PPP2R2B: variants seen among roughly 807,000 people sequenced by gnomAD.
The protein encoded by PPP2R2B is serine/threonine-protein phosphatase 2A 55 kDa regulatory subunit B beta isoform.
PPP2R2B carries 5 observed loss-of-function variants against 46.0 expected under a neutral mutation model. That is an observed-to-expected ratio of 0.11 (90% CI 0.06 to 0.23). The LOEUF (loss-of-function observed/expected upper bound fraction) is 0.23, where lower values mean the gene tolerates loss of function less well. PPP2R2B is among the 10% of genes least tolerant of loss of function. The pLI is 1.00. For synonymous variants in PPP2R2B, 215 were observed against 206.7 expected (o/e 1.04, Z -0.34); for missense variants, 367 against 575.0 (o/e 0.64, Z 3.70).
chr5:146,618,380 A>G (rs2151049929), intron 7 of PPP2R2B, among the ~76,000 whole-genome samples: 1 of 152,308 alleles, frequency 6.6e-6, no homozygotes, highest in South Asian at 2.1e-4. Context: ...AGCCCTGCTG[A>G]CACCTTGACT....
At chr5:146,638,105 T>C (rs1561793346) in intron 7 of PPP2R2B, 146 bp downstream of exon 7, 2 of 679,340 alleles carry the variant, frequency 2.9e-6, no homozygotes, top group East Asian at 3.0e-5. Flanking sequence ...TTTACTGAAA[T>C]ATAAAATACG....
chr5:146,785,359 CA>C (rs1276153354), intron 2 of PPP2R2B, among the ~76,000 whole-genome samples: 1 of 152,102 alleles, frequency 6.6e-6, no homozygotes, highest in Non-Finnish European at 1.5e-5. Context: ...CCAGCTTGGG[CA>C]ACATAGTGAA....
chr5:146,708,421 G>A (rs953967491), intron 2 of PPP2R2B, among the ~76,000 whole-genome samples: 7 of 151,422 alleles, frequency 4.6e-5, no homozygotes, highest in Non-Finnish European at 1.0e-4. Context: ...GTGTGTGTGT[G>A]TGTGTGTGTG....
intron 2 of PPP2R2B, among the ~76,000 whole-genome samples, chr5:146,827,693 G>A (rs946341815): frequency 6.6e-6 from 1 of 152,152 alleles, no homozygotes; most frequent in Non-Finnish European, 1.5e-5. Context: ...TATATAATAA[G>A]TATTGATAAA....
At chr5:147,053,437 T>G (rs72827259) in intron 1 of PPP2R2B, among the ~76,000 whole-genome samples, 4 of 152,216 alleles carry the variant, frequency 2.6e-5, no homozygotes, top group Non-Finnish European at 4.4e-5. Context: ...CACAGAGATA[T>G]TCACACACTA....
chr5:146,765,487 C>A (rs981279072), intron 2 of PPP2R2B, among the ~76,000 whole-genome samples: 3 of 152,210 alleles, frequency 2.0e-5, no homozygotes, highest in African/African-American at 7.2e-5. Context: ...GCAACATAAA[C>A]CACATATTAT....
At position 146,966,938 on chromosome 5, in the gene PPP2R2B, A is replaced by G. The variant is rs113994699; in HGVS notation, c.79+88727T>C. Reference sequence around the variant, plus strand: ...TCTAGGGCTTAGAATTGATCTTTCAATTTCAACAAGCATGGTTCCCCTTTG... The same window carrying G: ...TCTAGGGCTTAGAATTGATCTTTCAGTTTCAACAAGCATGGTTCCCCTTTG... On this transcript the variant is annotated intron_variant, in intron 1 of 8. Transcript: ENST00000336640. Among the ~76,000 whole-genome samples, 1,140 of 152,242 alleles carry G rather than the reference A, an allele frequency of 7.5e-3. 12 individuals are homozygous for G. The highest frequency in any genetic ancestry group is 0.026 in the African/African-American group (1,083 of 41,536).
At chr5:146,699,830 A>G (rs1362873739) in intron 3 of PPP2R2B, among the ~76,000 whole-genome samples, 1 of 152,084 alleles carries the variant, frequency 6.6e-6, no homozygotes, top group Non-Finnish European at 1.5e-5. Flanking sequence ...CTACCATCCA[A>G]ATCAGACTGT....
intron 2 of PPP2R2B, among the ~76,000 whole-genome samples, chr5:146,817,516 C>T (rs1053416847): frequency 2.6e-5 from 4 of 151,972 alleles, no homozygotes; most frequent in Non-Finnish European, 4.4e-5. Flanking sequence ...TTGATATTTC[C>T]GTCATCTCAC....
chr5:146,682,407 ATAT>A (rs1300523179), intron 5 of PPP2R2B, among the ~76,000 whole-genome samples: 1 of 152,234 alleles, frequency 6.6e-6, no homozygotes, highest in Non-Finnish European at 1.5e-5. Flanking sequence ...TGATGGCAAG[ATAT>A]TATGCTAAAC....
chr5:146,880,073 A>C (rs1266082524), upstream of PPP2R2B, among the ~76,000 whole-genome samples: 1 of 152,216 alleles, frequency 6.6e-6, no homozygotes, highest in Non-Finnish European at 1.5e-5. Flanking sequence ...ATTTCCATGC[A>C]GTATGGATAC....
At chr5:146,743,000 C>A (rs1752968880) in intron 2 of PPP2R2B, among the ~76,000 whole-genome samples, 1 of 152,186 alleles carries the variant, frequency 6.6e-6, no homozygotes, top group Non-Finnish European at 1.5e-5. Flanking sequence ...AAGGAAGTAA[C>A]TTTGCCAACA....
rs868404012 is a variant in PPP2R2B, at chr5:147,051,749, C to T, written c.79+3916G>A. Among the ~76,000 whole-genome samples the T allele has an allele frequency of 1.4e-3, 190 of 132,500 alleles. 8 individuals are homozygous for T. The South Asian group carries it at 0.046, about 32-fold the overall frequency. The allele number at this position is 132,500 out of a possible 152,430, so 86.9% of individuals were successfully genotyped here. A position where few individuals can be genotyped will look rare whatever the true frequency, so the allele number is the denominator to read the frequency against. ...CACTGACTCTCTCATTTCTGTTTTG[C>T]TTCCTTTTTTTTTTTTTTTTTTTTT... On this transcript the variant is annotated intron_variant, in intron 1 of 8. Coordinates refer to the PPP2R2B transcript ENST00000336640.
At chr5:146,766,443 G>C (rs1337508648) in intron 2 of PPP2R2B, among the ~76,000 whole-genome samples, 2 of 152,180 alleles carry the variant, frequency 1.3e-5, no homozygotes, top group African/African-American at 2.4e-5. Flanking sequence ...GAGTGAGTGG[G>C]GAGTGGGAAA....
At chr5:146,595,530 T>C (rs1160634008) in intron 8 of PPP2R2B, among the ~76,000 whole-genome samples, 2 of 152,134 alleles carry the variant, frequency 1.3e-5, no homozygotes, top group Non-Finnish European at 2.9e-5. Context: ...AAGATAGAAG[T>C]TGGGATAGAT....
At chr5:147,027,298 T>C (rs904633001) in intron 1 of PPP2R2B, among the ~76,000 whole-genome samples, 1 of 149,336 alleles carries the variant, frequency 6.7e-6, no homozygotes, top group African/African-American at 2.4e-5. Context: ...GCATTGTTCA[T>C]CTGAAAATGG....
Position 146,908,928 on chromosome 5 carries a change from G to C in PPP2R2B, c.79+146737C>G, listed in dbSNP as rs185307256. Among the ~76,000 whole-genome samples, 7 of 152,166 alleles carry C rather than the reference G, an allele frequency of 4.6e-5. No homozygotes were observed. In the East Asian group the frequency reaches 1.4e-3, roughly 30 times the overall value. On this transcript the variant is annotated intron_variant, in intron 1 of 8. Transcript: ENST00000336640. The stretch of plus-strand genomic sequence containing the variant: ...GTGATCCTCCTGAGTTGCCTCCCGA[G>C]TAGCTGGGATTACAGGGGTGGGCCC...
chr5:146,930,796 T>G (rs1031646041), intron 1 of PPP2R2B, among the ~76,000 whole-genome samples: 1 of 152,224 alleles, frequency 6.6e-6, no homozygotes, highest in Non-Finnish European at 1.5e-5. Flanking sequence ...TTGTCGATAT[T>G]AGAATTTTAT....
At chr5:147,034,090 C>A (rs1222585704) in intron 1 of PPP2R2B, among the ~76,000 whole-genome samples, 1 of 152,192 alleles carries the variant, frequency 6.6e-6, no homozygotes, top group Non-Finnish European at 1.5e-5. Flanking sequence ...CTTCCCCTTG[C>A]AAACTAAGCT....
Sources: allele counts gnomAD v4.1 joint callset (sites outside exome capture counted in the v4.1 genomes callset), GRCh38; gene constraint gnomAD v4.1.1; transcripts MANE v1.5; gene names NCBI Gene and HGNC (gene_info 2026-07-23, HGNC 2026-07-21).